ENTREP1: variants seen among roughly 807,000 people sequenced by gnomAD.
ENTREP1 encodes the protein endosomal transmembrane epsin interactor 1.
chr9:69,333,295 C>T, the ENTREP1 span, among the ~76,000 whole-genome samples: 1 of 151,444 alleles, frequency 6.6e-6, no homozygotes, highest in African/African-American at 2.4e-5. Flanking sequence ...TGGGGCTGGA[C>T]ACTTCCTTTT....
At chr9:69,387,288 C>T in the ENTREP1 span, 1 of 152,502 alleles carries the variant, frequency 6.6e-6, no homozygotes, top group Non-Finnish European at 1.5e-5. Flanking sequence ...GGGTGCTCCC[C>T]TTCTTCCACC....
the ENTREP1 span, among the ~76,000 whole-genome samples, chr9:69,377,917 C>G: frequency 6.6e-6 from 1 of 152,024 alleles, no homozygotes; most frequent in Non-Finnish European, 1.5e-5. Context: ...GCTAGTGAAC[C>G]CTGTGGTATG....
At chr9:69,362,967 A>G in the ENTREP1 span, among the ~76,000 whole-genome samples, 1 of 152,148 alleles carries the variant, frequency 6.6e-6, no homozygotes, top group Non-Finnish European at 1.5e-5. Context: ...AGTTAATACT[A>G]CTTAATAAAC....
the ENTREP1 span, chr9:69,375,965 C>A: frequency 7.7e-7 from 1 of 1,300,464 alleles, no homozygotes; most frequent in East Asian, 2.4e-5. Flanking sequence ...CTCCCTCAAA[C>A]AATTAAGCTG....
chr9:69,341,673 C>CT, the ENTREP1 span, among the ~76,000 whole-genome samples: 7 of 152,010 alleles, frequency 4.6e-5, 1 homozygote, highest in South Asian at 4.2e-4. Flanking sequence ...AGATTGTGGT[C>CT]TTTTTTTTCC....
the ENTREP1 span, among the ~76,000 whole-genome samples, chr9:69,354,234 C>T: frequency 7.0e-6 from 1 of 142,030 alleles, no homozygotes; most frequent in African/African-American, 2.6e-5. Flanking sequence ...CCCTCTTTCT[C>T]TTGTTTGCCC....
At chr9:69,382,732 C>G in the ENTREP1 span, 1 of 152,224 alleles carries the variant, frequency 6.6e-6, no homozygotes, top group Non-Finnish European at 1.5e-5. Flanking sequence ...TAAAATGAAA[C>G]AACTATAAAT....
At chr9:69,386,220 C>T in the ENTREP1 span, 13 of 270,836 alleles carry the variant, frequency 4.8e-5, no homozygotes, top group Non-Finnish European at 8.9e-5. Context: ...CTAGGTACTA[C>T]ATGAAGACAA....
chr9:69,337,811 CTTATTT>C, the ENTREP1 span, among the ~76,000 whole-genome samples: 8 of 152,072 alleles, frequency 5.3e-5, no homozygotes, highest in African/African-American at 9.7e-5. Context: ...TATAATATCT[CTTATTT>C]TTATTTGTCT....
the ENTREP1 span, among the ~76,000 whole-genome samples, chr9:69,359,481 T>C: frequency 6.6e-6 from 1 of 152,160 alleles, no homozygotes; most frequent in African/African-American, 2.4e-5. Context: ...GGTGAGTGAG[T>C]TCTCATGAGA....
chr9:69,346,665 C>G, the ENTREP1 span, among the ~76,000 whole-genome samples: 1 of 152,162 alleles, frequency 6.6e-6, no homozygotes, highest in Non-Finnish European at 1.5e-5. Context: ...AATTGTTTCT[C>G]AGACAATGAA....
the ENTREP1 span, among the ~76,000 whole-genome samples, chr9:69,340,814 T>C: frequency 4.9e-4 from 4 of 8,186 alleles, no homozygotes; most frequent in African/African-American, 1.6e-3. Context: ...TGTGTGTGTA[T>C]GTGTGTGTGT....
At chr9:69,346,747 A>G in the ENTREP1 span, among the ~76,000 whole-genome samples, 1 of 152,246 alleles carries the variant, frequency 6.6e-6, no homozygotes, top group Admixed American at 6.5e-5. Flanking sequence ...GGATGCCAAC[A>G]TTCCAGTGTC....
the ENTREP1 span, among the ~76,000 whole-genome samples, chr9:69,389,982 T>C: frequency 6.6e-6 from 1 of 152,044 alleles, no homozygotes; most frequent in Non-Finnish European, 1.5e-5. Context: ...TAGAAGGAGG[T>C]AAGAACACCA....
the ENTREP1 span, among the ~76,000 whole-genome samples, chr9:69,384,496 C>T: frequency 6.6e-6 from 1 of 152,136 alleles, no homozygotes; most frequent in South Asian, 2.1e-4. Flanking sequence ...AGACTTTTGT[C>T]AGGGGAAAAA....
chr9:69,375,319 C>T, the ENTREP1 span, among the ~76,000 whole-genome samples: 1 of 152,000 alleles, frequency 6.6e-6, no homozygotes, highest in East Asian at 1.9e-4. Context: ...GAGGCTTGCA[C>T]CAAGTGCAAA....
At chr9:69,340,666 C>CATGTGTGTGTGCGCAT in the ENTREP1 span, among the ~76,000 whole-genome samples, 3 of 108,650 alleles carry the variant, frequency 2.8e-5, no homozygotes, top group African/African-American at 3.8e-5. Context: ...TGTGTGTGTG[C>CATGTGTGTGTGCGCAT]GTGTGTGTGT....
chr9:69,380,604 T>G, the ENTREP1 span: 1 of 152,202 alleles, frequency 6.6e-6, no homozygotes, highest in Non-Finnish European at 1.5e-5. Context: ...TGTCCAAAGA[T>G]GGGTTCGCTA....
At chr9:69,351,379 C>A in the ENTREP1 span, among the ~76,000 whole-genome samples, 1 of 143,954 alleles carries the variant, frequency 6.9e-6, no homozygotes, top group Admixed American at 6.8e-5. Context: ...GAGAAATTTT[C>A]TTATTTCCTT....
Sources: allele counts gnomAD v4.1 joint callset (sites outside exome capture counted in the v4.1 genomes callset), GRCh38; gene constraint gnomAD v4.1.1; transcripts MANE v1.5; gene names NCBI Gene and HGNC (gene_info 2026-07-23, HGNC 2026-07-21).